The following EIF4EBP2 variants were observed in gnomAD, a reference collection of about 807,000 sequenced individuals.
EIF4EBP2 encodes eukaryotic translation initiation factor 4E binding protein 2.
In EIF4EBP2, 5 loss-of-function variants were observed where a neutral mutation model predicts 10.3. The ratio of observed to expected loss-of-function variants is 0.48; its 90% CI spans 0.25 to 1.02. The LOEUF is 1.02. Among genes scored for constraint, EIF4EBP2 ranks in the 50% least tolerant of loss-of-function variants. The probability of loss-of-function intolerance (pLI) is 0.15; values close to 1 mark genes in which losing one functional copy is unlikely to be tolerated. For missense variants in EIF4EBP2, 188 were observed against 162.2 expected, an observed-to-expected ratio of 1.16 and a Z score of -0.86; for synonymous variants, 67 against 61.1, an observed-to-expected ratio of 1.10 and a Z score of -0.45.
intron 1 of EIF4EBP2, 33 bp downstream of exon 1, chr10:70,404,579 T>C (rs1844948612): frequency 6.6e-7 from 1 of 1,508,158 alleles, no homozygotes; most frequent in South Asian, 1.3e-5. Context: ...CCGCGCCCGG[T>C]GTCCCGCCGC....
At chr10:70,408,744 G>A (rs1186546728) in intron 1 of EIF4EBP2, among the ~76,000 whole-genome samples, 2 of 152,202 alleles carry the variant, frequency 1.3e-5, no homozygotes, top group Non-Finnish European at 2.9e-5. Flanking sequence ...ACAAAAGTAG[G>A]AAATACAGTC....
chr10:70,414,925 G>A (rs761391955), intron 1 of EIF4EBP2, among the ~76,000 whole-genome samples: 2 of 151,998 alleles, frequency 1.3e-5, no homozygotes, highest in Non-Finnish European at 2.9e-5. Context: ...GGAAGGCTGA[G>A]GTGGGCAGAT....
At chr10:70,408,657 C>T (rs1000924956) in intron 1 of EIF4EBP2, among the ~76,000 whole-genome samples, 1 of 152,138 alleles carries the variant, frequency 6.6e-6, no homozygotes, top group African/African-American at 2.4e-5. Flanking sequence ...CCTCCAGACT[C>T]CTGGATTAAT....
rs2137220524 is a variant in EIF4EBP2, at chr10:70,404,546, G to A, written c.145G>A (p.Gly49Arg). 2 of 1,564,124 alleles carry A rather than the reference G, an allele frequency of 1.3e-6. No homozygotes were observed. Among genetic ancestry groups the A allele is most frequent in the East Asian group, 2.6e-5 (1 of 38,982 alleles). ...GACGCTCTTCTCCACCACACCGGGA[G>A]GTGAGCGCCGGCCAGCCGTCCGCCG... The part of the protein sequence containing the change: ...GGTLFSTTPG[G>R]TRIIYDRKFL... Residue 49 changes from glycine to arginine, a missense_variant and splice_region_variant, in exon 1 of 3, where the codon GGA becomes AGA. Gly to Arg is a moderately radical substitution (Grantham distance 125, BLOSUM62 -2). Transcript: ENST00000373218.
chr10:70,425,454 T>G lies in EIF4EBP2; in HGVS notation c.*3707T>G, dbSNP rs1845197409. On this transcript the variant is annotated 3_prime_UTR_variant, in exon 3 of 3. Coordinates refer to ENST00000373218, the MANE Select transcript of EIF4EBP2 (RefSeq NM_004096.5). ...CACCCCAACTGGGGATGAAAGTAGGTCAACAGGGAGGTAGGTTTAATCTAG... is the reference window on the plus strand; with the variant it reads ...CACCCCAACTGGGGATGAAAGTAGGGCAACAGGGAGGTAGGTTTAATCTAG... 6.6e-6 allele frequency: 1 copy of G among 152,202 alleles called. No individual in the cohort carries two copies. The highest frequency in any genetic ancestry group is 1.5e-5 in the Non-Finnish European group (1 of 68,044). 9.4% of individuals were successfully genotyped at this position (152,202 alleles called of 1,614,324 possible).
chr10:70,407,731 C>T (rs1295272536), intron 1 of EIF4EBP2, among the ~76,000 whole-genome samples: 1 of 3,924 alleles, frequency 2.5e-4, no homozygotes, highest in South Asian at 0.012. Context: ...GGGGGGCTGA[C>T]CCCCCCCCCA....
chr10:70,420,721 AACAC>A (rs1845147780), intron 2 of EIF4EBP2, among the ~76,000 whole-genome samples: 1 of 152,210 alleles, frequency 6.6e-6, no homozygotes, highest in Admixed American at 6.5e-5. Flanking sequence ...GACTAAGGAT[AACAC>A]ACACAGAAAA....
chr10:70,421,244 A>G (rs1845154690), intron 2 of EIF4EBP2, among the ~76,000 whole-genome samples: 1 of 152,214 alleles, frequency 6.6e-6, no homozygotes, highest in Admixed American at 6.5e-5. Flanking sequence ...TAGAAGCAGA[A>G]TGGTGCGGTA....
chr10:70,410,040 G>A (rs1845027644), intron 1 of EIF4EBP2, among the ~76,000 whole-genome samples: 1 of 152,098 alleles, frequency 6.6e-6, no homozygotes. Context: ...CCAAAATAAA[G>A]AGTATTGGGG....
At chr10:70,408,037 C>CT (rs1844998177) in intron 1 of EIF4EBP2, among the ~76,000 whole-genome samples, 1 of 38,200 alleles carries the variant, frequency 2.6e-5, no homozygotes, top group Admixed American at 2.0e-4. Flanking sequence ...GGGGGCTGAC[C>CT]CCCCCACCTC....
At position 70,404,507 on chromosome 10, in the gene EIF4EBP2, A is replaced by G; in HGVS notation, c.106A>G (p.Thr36Ala). 6.3e-7 allele frequency: 1 copy of G among 1,593,832 alleles called. No homozygotes were observed. The highest frequency in any genetic ancestry group is 8.5e-7 in the Non-Finnish European group (1 of 1,172,978). The change falls in exon 1 of 3, where the codon ACC becomes GCC. Residue 36 changes from threonine (T) to alanine (A), a missense_variant. Thr to Ala is a moderately conservative substitution (Grantham distance 58). Coordinates refer to ENST00000373218, the MANE Select transcript of EIF4EBP2 (RefSeq NM_004096.5). ...DAAQLPHDYC[T>A]TPGGTLFSTT... ...CGCGCAGCTACCTCATGACTATTGC[A>G]CCACGCCCGGGGGGACGCTCTTCTC...
chr10:70,423,666 T>C lies in EIF4EBP2; in HGVS notation c.*1919T>C, dbSNP rs1845180655. 6.6e-6 allele frequency: 1 copy of C among 152,524 alleles called. No individual in the cohort carries two copies. The highest frequency in any genetic ancestry group is 6.5e-5 in the Admixed American group (1 of 15,276). 9.4% of individuals were successfully genotyped at this position (152,524 alleles called of 1,614,324 possible). A position where few individuals can be genotyped will look rare whatever the true frequency, so the allele number is the denominator to read the frequency against. On this transcript the variant is annotated 3_prime_UTR_variant, in exon 3 of 3. Coordinates refer to ENST00000373218, the MANE Select transcript of EIF4EBP2 (RefSeq NM_004096.5). ...TCTTTTGAACTATGAAAAGACCCTG[T>C]TTGTGAATATATTTTAGAAAGAGAG... is the stretch of plus-strand genomic sequence containing the variant.
intron 1 of EIF4EBP2, among the ~76,000 whole-genome samples, chr10:70,419,665 A>C (rs1443231183): frequency 1.3e-5 from 2 of 152,054 alleles, no homozygotes; most frequent in African/African-American, 4.8e-5. Context: ...GGGTGGCTTC[A>C]TAAAGGAAGT....
chr10:70,420,651 A>G (rs1845146022), intron 2 of EIF4EBP2, among the ~76,000 whole-genome samples: 1 of 152,240 alleles, frequency 6.6e-6, no homozygotes, highest in Non-Finnish European at 1.5e-5. Context: ...TCAGGATGAT[A>G]AACCCCAAAA....
chr10:70,425,754 G>A lies in EIF4EBP2; in HGVS notation c.*4007G>A, dbSNP rs896451457. 3 of 152,214 alleles carry A rather than the reference G, an allele frequency of 2.0e-5. No individual in the cohort carries two copies. Among genetic ancestry groups the A allele is most frequent in the African/African-American group, 4.8e-5 (2 of 41,448 alleles). 9.4% of individuals were successfully genotyped at this position (152,214 alleles called of 1,614,324 possible). ...CAAAAGGAACTGGGGCCTTCCAGCC[G>A]AGCCACTAAACCTGTCTTATTTGGA... On this transcript the variant is annotated 3_prime_UTR_variant, in exon 3 of 3. Transcript: ENST00000373218.
intron 2 of EIF4EBP2, 103 bp downstream of exon 2, chr10:70,420,202 G>T: frequency 1.6e-6 from 2 of 1,253,414 alleles, no homozygotes; most frequent in Admixed American, 5.8e-5. Flanking sequence ...TTTGTTTTTT[G>T]TTTTTTGTTT....
In EIF4EBP2 at chr10:70,426,092, T is replaced by C. The variant is rs1845203717; in HGVS notation, c.*4345T>C. The C allele has an allele frequency of 6.6e-6, 1 of 152,248 alleles. No individual in the cohort carries two copies. The highest frequency in any genetic ancestry group is 1.5e-5 in the Non-Finnish European group (1 of 68,044). 9.4% of individuals were successfully genotyped at this position (152,248 alleles called of 1,614,324 possible). A position where few individuals can be genotyped will look rare whatever the true frequency, so the allele number is the denominator to read the frequency against. On this transcript the variant is annotated 3_prime_UTR_variant, in exon 3 of 3. Transcript: ENST00000373218. ...TTCTTCCTGGGCTTCTTGATGGCAA[T>C]GTGTTCTTAAATAACTGGTCTTGTG...
intron 1 of EIF4EBP2, among the ~76,000 whole-genome samples, chr10:70,405,074 C>A (rs1242229764): frequency 6.6e-6 from 1 of 152,200 alleles, no homozygotes; most frequent in Non-Finnish European, 1.5e-5. Context: ...AGCGTTATCC[C>A]GCTTTGACAG....
chr10:70,422,049 G>A lies in EIF4EBP2; in HGVS notation c.*302G>A, dbSNP rs1005751572. ...CAGTTCAACTCTGACTTTCCTAGTT[G>A]TTTTTTTATTGAGAGCCACCCTCAT... is the stretch of plus-strand genomic sequence containing the variant. On this transcript the variant is annotated 3_prime_UTR_variant, in exon 3 of 3. Coordinates refer to ENST00000373218, the MANE Select transcript of EIF4EBP2 (RefSeq NM_004096.5). 1.8e-5 allele frequency: 7 copies of A among 380,216 alleles called. No individual in the cohort carries two copies. The highest frequency in any genetic ancestry group is 3.4e-5 in the Non-Finnish European group (7 of 208,882). 23.6% of individuals were successfully genotyped at this position (380,216 alleles called of 1,614,324 possible).
Sources: allele counts gnomAD v4.1 joint callset (sites outside exome capture counted in the v4.1 genomes callset), GRCh38; gene constraint gnomAD v4.1.1; transcripts MANE v1.5; gene names NCBI Gene and HGNC (gene_info 2026-07-23, HGNC 2026-07-21).